Variants in GPC5 observed in about 807,000 individuals in gnomAD.
GPC5 encodes the protein glypican 5.
A neutral mutation model predicts 53.9 loss-of-function variants in GPC5; 47 were observed. The observed-to-expected ratio is 0.87, with a 90% CI of 0.69 to 1.11. The LOEUF is 1.11. Ranked by LOEUF, GPC5 falls within the 50% of genes most tolerant of loss-of-function variation. The pLI is 0.00. For missense variants in GPC5, 748 were observed against 713.1 expected (o/e 1.05, Z -0.56); for synonymous variants, 286 against 263.3 (o/e 1.09, Z -0.84).
intron 5 of GPC5, among the ~76,000 whole-genome samples, chr13:91,880,770 AT>A: frequency 6.6e-6 from 1 of 152,094 alleles, no homozygotes; most frequent in East Asian, 1.9e-4. Flanking sequence ...TTATAGTAAC[AT>A]TTTTTGTTTG....
chr13:92,310,329 A>G (rs1021871372), intron 7 of GPC5, among the ~76,000 whole-genome samples: 1 of 152,132 alleles, frequency 6.6e-6, no homozygotes, highest in Non-Finnish European at 1.5e-5. Flanking sequence ...GTTATATTCT[A>G]ATAGAAAATA....
At chr13:92,699,770 T>C (rs1887670235) in intron 7 of GPC5, among the ~76,000 whole-genome samples, 1 of 152,216 alleles carries the variant, frequency 6.6e-6, no homozygotes, top group Non-Finnish European at 1.5e-5. Context: ...AGTTCTAATT[T>C]GATTGCACTG....
chr13:91,475,544 C>T (rs886791901), intron 2 of GPC5, among the ~76,000 whole-genome samples: 1 of 152,188 alleles, frequency 6.6e-6, no homozygotes, highest in East Asian at 1.9e-4. Flanking sequence ...TGCGTCTGCA[C>T]ATCCATTAAG....
intron 1 of GPC5, among the ~76,000 whole-genome samples, chr13:91,445,902 C>A (rs1197884637): frequency 6.6e-6 from 1 of 152,160 alleles, no homozygotes; most frequent in East Asian, 1.9e-4. Context: ...TCAAGTGGGT[C>A]GCTGTGCTTT....
At position 92,593,000 on chromosome 13, in the gene GPC5, G is replaced by A. The variant is rs111320009; in HGVS notation, c.1562-273282G>A. On this transcript the variant is annotated intron_variant, in intron 7 of 7. Coordinates refer to ENST00000377067, the MANE Select transcript of GPC5 (RefSeq NM_004466.6). ...ATGTGCAGTTAAGACATCCCCTCAT[G>A]TTGGCTGGGGAATAGATCCCTGGCC... 1.9e-4 allele frequency among the ~76,000 whole-genome samples: 28 copies of A among 151,264 alleles called. 2 individuals are homozygous for A. The highest frequency in any genetic ancestry group is 3.5e-3 in the Middle Eastern group (1 of 286).
intron 7 of GPC5, among the ~76,000 whole-genome samples, chr13:92,419,359 C>T (rs1218591452): frequency 6.6e-6 from 1 of 152,098 alleles, no homozygotes. Context: ...TTTCATAACG[C>T]ATCACTCTCT....
chr13:91,515,081 T>C, intron 2 of GPC5, among the ~76,000 whole-genome samples: 1 of 152,194 alleles, frequency 6.6e-6, no homozygotes, highest in Non-Finnish European at 1.5e-5. Context: ...GGGGCTACTG[T>C]ATTGGACAGT....
At chr13:92,420,977 A>T (rs1378145115) in intron 7 of GPC5, among the ~76,000 whole-genome samples, 1 of 152,252 alleles carries the variant, frequency 6.6e-6, no homozygotes, top group African/African-American at 2.4e-5. Context: ...TTGCTAAAGA[A>T]TGCTAACTAG....
At chr13:91,782,308 G>A (rs2037810593) in intron 5 of GPC5, among the ~76,000 whole-genome samples, 2 of 152,082 alleles carry the variant, frequency 1.3e-5, no homozygotes, top group Non-Finnish European at 1.5e-5. Flanking sequence ...TTTTCACCCT[G>A]CTTTAAAGAA....
chr13:92,249,869 C>T (rs1261108747), intron 7 of GPC5, among the ~76,000 whole-genome samples: 1 of 152,002 alleles, frequency 6.6e-6, no homozygotes, highest in African/African-American at 2.4e-5. Context: ...TAAGTGTTAT[C>T]CATTTACCTC....
At chr13:92,052,683 T>A (rs1268197062) in intron 6 of GPC5, among the ~76,000 whole-genome samples, 1 of 152,200 alleles carries the variant, frequency 6.6e-6, no homozygotes, top group Non-Finnish European at 1.5e-5. Context: ...TTTATAATCT[T>A]CCAGCTAGAC....
chr13:92,017,301 G>C (rs1259757448), intron 6 of GPC5, among the ~76,000 whole-genome samples: 1 of 152,094 alleles, frequency 6.6e-6, no homozygotes, highest in Non-Finnish European at 1.5e-5. Context: ...GTTTTGGTAG[G>C]CTGATCCTTT....
intron 2 of GPC5, among the ~76,000 whole-genome samples, chr13:91,557,458 A>T (rs2031022916): frequency 6.6e-6 from 1 of 152,114 alleles, no homozygotes; most frequent in Non-Finnish European, 1.5e-5. Flanking sequence ...GCTTCATGAA[A>T]GGGCCTTGCT....
intron 7 of GPC5, among the ~76,000 whole-genome samples, chr13:92,659,852 G>A (rs1886277252): frequency 6.6e-6 from 1 of 152,148 alleles, no homozygotes; most frequent in Admixed American, 6.5e-5. Context: ...AGAAAAGGAA[G>A]GAAGTCTATC....
At chr13:92,543,755 T>C (rs1371034132) in intron 7 of GPC5, among the ~76,000 whole-genome samples, 1 of 152,094 alleles carries the variant, frequency 6.6e-6, no homozygotes, top group African/African-American at 2.4e-5. Context: ...AAGACTAAAA[T>C]TTTTTATCTA....
chr13:91,918,920 G>A (rs1362670032), intron 6 of GPC5, among the ~76,000 whole-genome samples: 2 of 151,858 alleles, frequency 1.3e-5, no homozygotes, highest in African/African-American at 4.8e-5. Context: ...TGGCTTCACG[G>A]TAGCTGCCTA....
chr13:92,264,587 A>C (rs1039347156), intron 7 of GPC5, among the ~76,000 whole-genome samples: 3 of 151,778 alleles, frequency 2.0e-5, no homozygotes, highest in Non-Finnish European at 2.9e-5. Flanking sequence ...AACACCAAGA[A>C]CCTGGATGAC....
At chr13:91,959,725 A>G (rs545141695) in intron 6 of GPC5, among the ~76,000 whole-genome samples, 1 of 152,174 alleles carries the variant, frequency 6.6e-6, no homozygotes, top group South Asian at 2.1e-4. Flanking sequence ...ATAAGATTTC[A>G]TATTGTAATA....
chr13:92,611,631 A>G (rs562743031), intron 7 of GPC5, among the ~76,000 whole-genome samples: 3 of 152,292 alleles, frequency 2.0e-5, no homozygotes, highest in African/African-American at 7.2e-5. Flanking sequence ...CCCTTTGCAA[A>G]TGACTGTTTA....
Sources: allele counts gnomAD v4.1 joint callset (sites outside exome capture counted in the v4.1 genomes callset), GRCh38; gene constraint gnomAD v4.1.1; transcripts MANE v1.5; gene names NCBI Gene and HGNC (gene_info 2026-07-23, HGNC 2026-07-21).